The following ASAP1 variants were observed in gnomAD, a reference collection of about 807,000 sequenced individuals.
The protein encoded by ASAP1 is ArfGAP with SH3 domain, ankyrin repeat and PH domain 1.
ASAP1 carries 43 observed loss-of-function variants against 145.2 expected under a neutral mutation model. The ratio of observed to expected loss-of-function variants is 0.30; its 90% CI spans 0.23 to 0.38. ASAP1 has a LOEUF of 0.38. Among genes scored for constraint, ASAP1 ranks in the 10% least tolerant of loss-of-function variants. The probability of loss-of-function intolerance (pLI) is 1.00; values close to 1 mark genes in which losing one functional copy is unlikely to be tolerated. For missense variants in ASAP1, 1,018 were observed against 1,355.3 expected, an observed-to-expected ratio of 0.75 and a Z score of 3.91; for synonymous variants, 546 against 515.5, an observed-to-expected ratio of 1.06 and a Z score of -0.80.
intron 27 of ASAP1, among the ~76,000 whole-genome samples, chr8:130,073,293 G>A (rs1414072279): frequency 6.6e-6 from 1 of 151,876 alleles, no homozygotes; most frequent in Non-Finnish European, 1.5e-5. Context: ...GGGAGGCCGA[G>A]GCAGGAGAAT....
chr8:130,165,459 G>C (rs1429301328), intron 11 of ASAP1, among the ~76,000 whole-genome samples: 1 of 152,170 alleles, frequency 6.6e-6, no homozygotes, highest in Non-Finnish European at 1.5e-5. Context: ...CATTCAAAGA[G>C]ACCACATTTC....
At chr8:130,422,713 A>C (rs943192812) in intron 1 of ASAP1, among the ~76,000 whole-genome samples, 1 of 152,186 alleles carries the variant, frequency 6.6e-6, no homozygotes, top group African/African-American at 2.4e-5. Flanking sequence ...CATTTCCCAT[A>C]AAGGGGACAG....
chr8:130,079,787 C>T lies in ASAP1; in HGVS notation c.2642+115G>A, dbSNP rs1011892260. ...TGGTTTCTTGTTGTGGCCTGCCCCA[C>T]TTGGCTGACCACAGCTTTGAGCAGC... On this transcript the variant is annotated intron_variant, in intron 26 of 29. Coordinates refer to ENST00000518721, the MANE Select transcript of ASAP1 (RefSeq NM_018482.4). 9.3e-6 allele frequency: 10 copies of T among 1,073,338 alleles called. No homozygotes were observed. In the South Asian group the frequency reaches 1.1e-4, roughly 12 times the overall value. 66.5% of individuals were successfully genotyped at this position (1,073,338 alleles called of 1,614,324 possible).
At chr8:130,395,709 C>G (rs1219469231) in intron 2 of ASAP1, among the ~76,000 whole-genome samples, 2 of 151,886 alleles carry the variant, frequency 1.3e-5, no homozygotes, top group Admixed American at 6.6e-5. Context: ...CTCTGTCACA[C>G]AGGCTGGAGT....
intron 1 of ASAP1, among the ~76,000 whole-genome samples, chr8:130,417,309 G>C (rs1829525489): frequency 6.6e-6 from 1 of 152,260 alleles, no homozygotes; most frequent in Non-Finnish European, 1.5e-5. Flanking sequence ...TGGACTATGT[G>C]CCGCAGCAGC....
intron 3 of ASAP1, among the ~76,000 whole-genome samples, chr8:130,330,126 A>G (rs779281421): frequency 7.2e-5 from 11 of 152,242 alleles, no homozygotes; most frequent in Non-Finnish European, 1.5e-4. Context: ...CATAAAAGGC[A>G]TTTAACAGAG....
chr8:130,294,226 T>C (rs2137333830), intron 3 of ASAP1, among the ~76,000 whole-genome samples: 1 of 152,352 alleles, frequency 6.6e-6, no homozygotes, highest in Non-Finnish European at 1.5e-5. Flanking sequence ...GTTCTGTGAC[T>C]TGGAACTAGT....
intron 9 of ASAP1, among the ~76,000 whole-genome samples, chr8:130,177,417 G>A (rs1814039255): frequency 6.6e-6 from 1 of 152,226 alleles, no homozygotes. Context: ...TCAGGAGACT[G>A]AGAGATTCAC....
At chr8:130,438,362 C>G (rs1326410951) in intron 1 of ASAP1, among the ~76,000 whole-genome samples, 1 of 152,194 alleles carries the variant, frequency 6.6e-6, no homozygotes, top group Non-Finnish European at 1.5e-5. Flanking sequence ...CTGTCCTAAT[C>G]GAACCACACA....
chr8:130,403,232 C>T (rs1413719068), intron 1 of ASAP1, among the ~76,000 whole-genome samples: 4 of 152,002 alleles, frequency 2.6e-5, no homozygotes, highest in Non-Finnish European at 5.9e-5. Flanking sequence ...ATCAAATATT[C>T]ACACAGTGTT....
In ASAP1 at chr8:130,244,218, G is replaced by C. The variant is rs540860121; in HGVS notation, c.187-7224C>G. The stretch of plus-strand genomic sequence containing the variant: ...ATGAACAAGCAAACAAATGGAAGGT[G>C]AAAGAATGAATATCTCTCTTATGTC... On this transcript the variant is annotated intron_variant, in intron 3 of 29. Coordinates refer to ENST00000518721, the MANE Select transcript of ASAP1 (RefSeq NM_018482.4). 8.5e-5 allele frequency among the ~76,000 whole-genome samples: 13 copies of C among 152,278 alleles called. No individual in the cohort carries two copies. In the South Asian group the frequency reaches 2.7e-3, roughly 32 times the overall value.
chr8:130,077,815 C>T (rs968768184), intron 26 of ASAP1, among the ~76,000 whole-genome samples: 7 of 152,060 alleles, frequency 4.6e-5, no homozygotes, highest in Admixed American at 6.6e-5. Context: ...ACTTGAAATC[C>T]TCCTGTCTCT....
At chr8:130,276,728 A>ACACACACACTCTCTCT (rs548512902) in intron 3 of ASAP1, among the ~76,000 whole-genome samples, 105 of 87,304 alleles carry the variant, frequency 1.2e-3, no homozygotes, top group South Asian at 5.9e-3. Flanking sequence ...ACACACACAC[A>ACACACACACTCTCTCT]CTCTCTCTCT....
intron 3 of ASAP1, among the ~76,000 whole-genome samples, chr8:130,348,285 C>T (rs1037874070): frequency 1.3e-5 from 2 of 152,310 alleles, no homozygotes; most frequent in South Asian, 4.1e-4. Context: ...ATTGACTTAG[C>T]CAACTCTGCT....
intron 18 of ASAP1, among the ~76,000 whole-genome samples, chr8:130,121,295 T>A (rs953744476): frequency 6.6e-6 from 1 of 152,188 alleles, no homozygotes; most frequent in Non-Finnish European, 1.5e-5. Flanking sequence ...TTTCTCAACC[T>A]CAGCCCTACT....
intron 28 of ASAP1, among the ~76,000 whole-genome samples, chr8:130,060,303 T>C (rs978431056): frequency 2.0e-5 from 3 of 152,132 alleles, no homozygotes; most frequent in Admixed American, 6.5e-5. Context: ...AGCTCCTTTT[T>C]GTATGTGAAG....
chr8:130,163,785 CAG>C (rs2097674454), intron 11 of ASAP1, among the ~76,000 whole-genome samples: 1 of 152,152 alleles, frequency 6.6e-6, no homozygotes, highest in South Asian at 2.1e-4. Flanking sequence ...ATTCAGGAAA[CAG>C]AAAAACTCAT....
chr8:130,426,657 G>A (rs1829930281), intron 1 of ASAP1, among the ~76,000 whole-genome samples: 1 of 152,140 alleles, frequency 6.6e-6, no homozygotes, highest in African/African-American at 2.4e-5. Flanking sequence ...TCTCTGCATG[G>A]GGCAGGCCCT....
chr8:130,218,184 T>C (rs1404468957), intron 4 of ASAP1, among the ~76,000 whole-genome samples: 2 of 152,030 alleles, frequency 1.3e-5, no homozygotes, highest in African/African-American at 2.4e-5. Context: ...GGTCCCACCT[T>C]ACCACCAAGA....
Sources: allele counts gnomAD v4.1 joint callset (sites outside exome capture counted in the v4.1 genomes callset), GRCh38; gene constraint gnomAD v4.1.1; transcripts MANE v1.5; gene names NCBI Gene and HGNC (gene_info 2026-07-23, HGNC 2026-07-21).